Variants in TRIO observed in about 807,000 individuals in gnomAD.
TRIO encodes the protein triple functional domain protein.
Under a neutral mutation model 351.9 loss-of-function variants are expected in TRIO, and 58 were observed. The ratio of observed to expected loss-of-function variants is 0.16; its 90% CI spans 0.13 to 0.21. The LOEUF is 0.21. Ranked by LOEUF, TRIO falls within the 10% of genes least tolerant of loss-of-function variation. TRIO has a pLI of 1.00. For synonymous variants in TRIO, 1,758 were observed against 1,595.7 expected, an observed-to-expected ratio of 1.10 and a Z score of -2.42; for missense variants, 3,201 against 4,027.8, an observed-to-expected ratio of 0.79 and a Z score of 5.56.
At chr5:14,400,756 G>A (rs929114492) in intron 30 of TRIO, among the ~76,000 whole-genome samples, 4 of 152,238 alleles carry the variant, frequency 2.6e-5, no homozygotes, top group Middle Eastern at 3.4e-3. Context: ...AGTAAGAGAC[G>A]CTCACAGGAA....
intron 1 of TRIO, among the ~76,000 whole-genome samples, chr5:14,186,669 C>A (rs1036109885): frequency 3.9e-5 from 6 of 152,032 alleles, no homozygotes. Context: ...CCTCTGCCCC[C>A]CTGGTTCAAG....
rs575404360 is a variant in TRIO at position 14,486,446 on chromosome 5, A to G, written c.6836-1018A>G. Among the ~76,000 whole-genome samples the G allele has an allele frequency of 5.1e-4, 78 of 152,290 alleles. 1 individual carries two copies. The highest frequency in any genetic ancestry group is 3.4e-3 in the Middle Eastern group (1 of 294). On this transcript the variant is annotated intron_variant, in intron 47 of 56. Transcript: ENST00000344204. ...AAGTTTCCATCCTGCTTGCAAGCTG[A>G]TAATCATTTACATCTGCAGCTAGGG...
intron 1 of TRIO, among the ~76,000 whole-genome samples, chr5:14,169,746 T>C (rs1197394907): frequency 6.6e-6 from 1 of 152,214 alleles, no homozygotes; most frequent in Admixed American, 6.5e-5. Context: ...CACCCACTGA[T>C]GGATTCAAAT....
At chr5:14,460,744 C>A (rs904596401) in intron 34 of TRIO, among the ~76,000 whole-genome samples, 1 of 152,136 alleles carries the variant, frequency 6.6e-6, no homozygotes, top group Non-Finnish European at 1.5e-5. Flanking sequence ...TGGCTGATAA[C>A]GATGCTGGTC....
At chr5:14,275,010 G>A (rs1241588050) in intron 2 of TRIO, among the ~76,000 whole-genome samples, 5 of 152,130 alleles carry the variant, frequency 3.3e-5, no homozygotes, top group Admixed American at 2.0e-4. Context: ...GTGGGTTGTC[G>A]TTTTTGTGTC....
intron 33 of TRIO, among the ~76,000 whole-genome samples, chr5:14,410,494 C>G (rs188282933): frequency 3.3e-5 from 5 of 152,184 alleles, no homozygotes; most frequent in Admixed American, 2.6e-4. Flanking sequence ...TCCTGAGTCT[C>G]GAAGTTCTTT....
chr5:14,166,657 C>A (rs1267683272), intron 1 of TRIO, among the ~76,000 whole-genome samples: 3 of 152,126 alleles, frequency 2.0e-5, no homozygotes, highest in Non-Finnish European at 4.4e-5. Flanking sequence ...CAAGAACAAG[C>A]GCTTGCTGCA....
At chr5:14,144,294 C>T (rs1477724544) in intron 1 of TRIO, among the ~76,000 whole-genome samples, 1 of 152,106 alleles carries the variant, frequency 6.6e-6, no homozygotes, top group Non-Finnish European at 1.5e-5. Context: ...GCCGAGCGGA[C>T]TGAGCCGGGG....
At chr5:14,408,990 G>A (rs1177378108) in intron 33 of TRIO, among the ~76,000 whole-genome samples, 1 of 152,062 alleles carries the variant, frequency 6.6e-6, no homozygotes, top group African/African-American at 2.4e-5. Flanking sequence ...TTGTTTCCTC[G>A]GGTAGTTTAT....
chr5:14,282,609 A>G (rs1736100712), intron 3 of TRIO, among the ~76,000 whole-genome samples: 1 of 152,364 alleles, frequency 6.6e-6, no homozygotes, highest in Non-Finnish European at 1.5e-5. Context: ...AGAATACACA[A>G]AAGTGGAGAG....
chr5:14,438,008 T>C (rs1751731906), intron 34 of TRIO, among the ~76,000 whole-genome samples: 1 of 152,260 alleles, frequency 6.6e-6, no homozygotes, highest in Non-Finnish European at 1.5e-5. Context: ...ATGGATCTTC[T>C]GTTCTCTCTG....
chr5:14,341,083 G>T (rs375426908), intron 11 of TRIO, among the ~76,000 whole-genome samples: 3 of 152,150 alleles, frequency 2.0e-5, no homozygotes, highest in South Asian at 2.1e-4. Flanking sequence ...ACATAAGTTT[G>T]GGTTTGATTT....
rs1162107454 is a variant in TRIO at position 14,323,920 on chromosome 5, TTATC to T, written c.1732-6855_1732-6852del. 3.9e-5 allele frequency among the ~76,000 whole-genome samples: 6 copies of T among 152,300 alleles called. No individual in the cohort carries two copies. The East Asian group carries it at 1.2e-3, about 29-fold the overall frequency. Reference sequence around the variant, plus strand: ...CACCAGCCTTTAATAAAAATTAACATTATCTACGTGAAAGTCTTCCTTTATGGCC... The same window carrying T: ...CACCAGCCTTTAATAAAAATTAACATTACGTGAAAGTCTTCCTTTATGGCC... On this transcript the variant is annotated intron_variant, in intron 9 of 56. Transcript: ENST00000344204.
At chr5:14,201,886 C>A (rs1173171709) in intron 1 of TRIO, among the ~76,000 whole-genome samples, 1 of 144,904 alleles carries the variant, frequency 6.9e-6, no homozygotes, top group East Asian at 2.0e-4. Context: ...TTGAAAATTG[C>A]GTGTTCTCAC....
At chr5:14,414,945 TGGC>T (rs950340192) in intron 33 of TRIO, among the ~76,000 whole-genome samples, 6 of 152,344 alleles carry the variant, frequency 3.9e-5, no homozygotes, top group Admixed American at 2.0e-4. Flanking sequence ...GAAATTGTTC[TGGC>T]TGCCTATAGT....
chr5:14,286,305 C>A lies in TRIO; in HGVS notation c.348-566C>A, dbSNP rs978293700. Among the ~76,000 whole-genome samples, 1 of 152,134 alleles carries A rather than the reference C, an allele frequency of 6.6e-6. No homozygotes were observed. Among genetic ancestry groups the A allele is most frequent in the Non-Finnish European group, 1.5e-5 (1 of 68,040 alleles). On this transcript the variant is annotated intron_variant, in intron 3 of 56. Transcript: ENST00000344204. This position sits in a 1 kb window ranked among gnomAD's most constrained non-coding sequence, Gnocchi z 4.4. ...ATGGTATGGAAAACCACTGAGATAG[C>A]TTCAGGGCCAGGGATAGGGTAAAGG...
At chr5:14,495,492 G>A (rs551107464) in intron 49 of TRIO, among the ~76,000 whole-genome samples, 4 of 152,084 alleles carry the variant, frequency 2.6e-5, no homozygotes, top group Non-Finnish European at 4.4e-5. Flanking sequence ...AACAAGGGGA[G>A]TGGTGGCAAA....
chr5:14,477,846 T>G (rs780267838), intron 41 of TRIO, among the ~76,000 whole-genome samples: 19 of 152,202 alleles, frequency 1.2e-4, no homozygotes, highest in Non-Finnish European at 2.4e-4. Context: ...AAAATCCAGT[T>G]TTTGAACTTG....
intron 1 of TRIO, among the ~76,000 whole-genome samples, chr5:14,233,558 T>A (rs1464641637): frequency 6.6e-6 from 1 of 152,026 alleles, no homozygotes; most frequent in Non-Finnish European, 1.5e-5. Context: ...CCTTCCTTTC[T>A]TCCTTCTCTT....
Sources: gnomAD v4.1 joint callset for allele counts (sites outside exome capture counted in the v4.1 genomes callset) on GRCh38, gnomAD v4.1.1 for gene constraint, Gnocchi (gnomAD v3.1) non-coding constraint, MANE v1.5 for transcripts, NCBI Gene and HGNC (gene_info 2026-07-23, HGNC 2026-07-21) for gene names.